KIF18A: variants seen among roughly 807,000 people sequenced by gnomAD.
KIF18A encodes kinesin-like protein KIF18A.
Under a neutral mutation model 103.3 loss-of-function variants are expected in KIF18A, and 67 were observed. The ratio of observed to expected loss-of-function variants is 0.65; its 90% CI spans 0.53 to 0.79. The LOEUF (loss-of-function observed/expected upper bound fraction) is 0.79. Ranked by LOEUF, KIF18A falls within the 30% of genes least tolerant of loss-of-function variation. The pLI is 0.00. For synonymous variants in KIF18A, 367 were observed against 355.5 expected, an observed-to-expected ratio of 1.03 and a Z score of -0.36; for missense variants, 1,032 against 1,062.5, an observed-to-expected ratio of 0.97 and a Z score of 0.40.
At chr11:28,034,477 T>C (rs1439965153) in intron 15 of KIF18A, among the ~76,000 whole-genome samples, 1 of 151,744 alleles carries the variant, frequency 6.6e-6, no homozygotes, top group Non-Finnish European at 1.5e-5. Flanking sequence ...AATCCTAATG[T>C]GTTTAACAGG....
At chr11:28,057,077 C>T (rs1469101145) in intron 13 of KIF18A, among the ~76,000 whole-genome samples, 5 of 151,696 alleles carry the variant, frequency 3.3e-5, no homozygotes, top group South Asian at 2.1e-4. Flanking sequence ...TTATTAGATA[C>T]GAAGTGCCAA....
intron 6 of KIF18A, among the ~76,000 whole-genome samples, chr11:28,085,394 G>C (rs1477892334): frequency 6.6e-6 from 1 of 152,208 alleles, no homozygotes; most frequent in Non-Finnish European, 1.5e-5. Flanking sequence ...TGCTTCAATG[G>C]TCATGCTCCT....
intron 1 of KIF18A, among the ~76,000 whole-genome samples, chr11:28,099,201 T>C (rs1851415644): frequency 6.6e-6 from 1 of 152,122 alleles, no homozygotes; most frequent in Non-Finnish European, 1.5e-5. Context: ...TGAATGAATC[T>C]AGGGGGCATT....
chr11:28,094,340 A>G (rs1851339654), intron 3 of KIF18A, among the ~76,000 whole-genome samples: 1 of 152,170 alleles, frequency 6.6e-6, no homozygotes, highest in Non-Finnish European at 1.5e-5. Flanking sequence ...CCTAGCTCAG[A>G]AAGAAAGAAA....
chr11:28,091,418 A>G lies in KIF18A; in HGVS notation c.579T>C (p.Thr193=). The change falls in exon 4 of 17, where the codon ACT becomes ACC. Residue 193 remains threonine (T), a synonymous_variant. Coordinates refer to ENST00000263181, the MANE Select transcript of KIF18A (RefSeq NM_031217.4). ...ATGTTTATATACATACCTGGTGTAA[A>G]GTAAGTCCATGAACGACCACCCCTT... ...TQKGVVVHGL[T]LHQPKSSEEI... 1 of 1,580,196 alleles carries G rather than the reference A, an allele frequency of 6.3e-7. No homozygotes were observed. Among genetic ancestry groups the G allele is most frequent in the Non-Finnish European group, 8.7e-7 (1 of 1,150,812 alleles).
At position 28,090,723 on chromosome 11, in the gene KIF18A, T is replaced by C; in HGVS notation, c.593A>G (p.Lys198Arg). 1.3e-6 allele frequency: 2 copies of C among 1,577,616 alleles called. No individual in the cohort carries two copies. The highest frequency in any genetic ancestry group is 1.7e-6 in the Non-Finnish European group (2 of 1,148,436). Reference sequence around the variant, plus strand: ...TAAATGTAAAATTTCTTCTGAGGATTTGGGCTGGAGAAGTTTAAGTAGAAG... The same window carrying C: ...TAAATGTAAAATTTCTTCTGAGGATCTGGGCTGGAGAAGTTTAAGTAGAAG... The part of the protein sequence containing the change: ...VVHGLTLHQP[K>R]SSEEILHLLD... The change falls in exon 5 of 17, where the codon AAA (lysine) becomes AGA (arginine). Residue 198 changes from lysine to arginine, a missense_variant. Coordinates refer to ENST00000263181, the MANE Select transcript of KIF18A (RefSeq NM_031217.4).
intron 15 of KIF18A, among the ~76,000 whole-genome samples, chr11:28,033,618 T>A (rs1850439828): frequency 6.6e-6 from 1 of 151,700 alleles, no homozygotes; most frequent in Admixed American, 6.6e-5. Flanking sequence ...TACAGAAAGA[T>A]AAGCTTGGCA....
At chr11:28,100,371 T>A (rs1851429474) in intron 1 of KIF18A, among the ~76,000 whole-genome samples, 1 of 152,036 alleles carries the variant, frequency 6.6e-6, no homozygotes, top group South Asian at 2.1e-4. Context: ...GAAACAGCGA[T>A]CTATTGTGTT....
chr11:28,085,933 A>C (rs955966229), intron 6 of KIF18A, among the ~76,000 whole-genome samples: 1 of 152,206 alleles, frequency 6.6e-6, no homozygotes, highest in Non-Finnish European at 1.5e-5. Context: ...AGAATCTTAC[A>C]GGATTATTCA....
Position 28,088,740 on chromosome 11 carries a change from T to C in KIF18A, c.700-19A>G, listed in dbSNP as rs1009474537. The C allele has an allele frequency of 1.9e-6, 3 of 1,583,788 alleles. No individual in the cohort carries two copies. The highest frequency in any genetic ancestry group is 8.6e-7 in the Non-Finnish European group (1 of 1,157,074). ...AGTAAATCTTTTTGAAATTACAAAATAGAAAAAAATGAGGATAAGATTTAA... is the reference window on the plus strand; with the variant it reads ...AGTAAATCTTTTTGAAATTACAAAACAGAAAAAAATGAGGATAAGATTTAA... On this transcript the variant is annotated intron_variant, in intron 5 of 16. Coordinates refer to ENST00000263181, the MANE Select transcript of KIF18A (RefSeq NM_031217.4).
intron 6 of KIF18A, among the ~76,000 whole-genome samples, chr11:28,086,423 CAAAT>C (rs1226075362): frequency 6.6e-6 from 1 of 151,964 alleles, no homozygotes; most frequent in South Asian, 2.1e-4. Flanking sequence ...GTAAAAGTAA[CAAAT>C]AAATTTTGTT....
At chr11:28,059,893 C>A (rs1225944819) in intron 12 of KIF18A, among the ~76,000 whole-genome samples, 2 of 152,192 alleles carry the variant, frequency 1.3e-5, no homozygotes, top group South Asian at 2.1e-4. Flanking sequence ...AAAACACACA[C>A]ACACACACAA....
At position 28,088,727 on chromosome 11, in the gene KIF18A, T is replaced by C. The variant is rs1401020104; in HGVS notation, c.700-6A>G. ...TCTTGTTGTCGCAAGTAAATCTTTT[T>C]GAAATTACAAAATAGAAAAAAATGA... On this transcript the variant is annotated splice_polypyrimidine_tract_variant and splice_region_variant and intron_variant, in intron 5 of 16. Transcript: ENST00000263181. 6.2e-7 allele frequency: 1 copy of C among 1,608,712 alleles called. No individual in the cohort carries two copies. Among genetic ancestry groups the C allele is most frequent in the Admixed American group, 1.7e-5 (1 of 59,698 alleles).
intron 1 of KIF18A, among the ~76,000 whole-genome samples, chr11:28,102,995 T>C (rs1192749307): frequency 1.3e-5 from 2 of 152,158 alleles, no homozygotes; most frequent in Non-Finnish European, 2.9e-5. Context: ...CGCAAGAATG[T>C]GTGGATTCAC....
chr11:28,027,554 T>C (rs1850337149), intron 15 of KIF18A, among the ~76,000 whole-genome samples: 1 of 151,932 alleles, frequency 6.6e-6, no homozygotes, highest in African/African-American at 2.4e-5. Context: ...TTTTCTAGAC[T>C]TTTAAAAATT....
At chr11:28,084,129 A>G (rs1025581295) in intron 7 of KIF18A, 1 of 152,160 alleles carries the variant, frequency 6.6e-6, no homozygotes, top group Non-Finnish European at 1.5e-5. Context: ...GTACATCAAC[A>G]TCATGAATGT....
intron 15 of KIF18A, among the ~76,000 whole-genome samples, chr11:28,026,008 C>G (rs1850313832): frequency 6.6e-6 from 1 of 151,530 alleles, no homozygotes; most frequent in Non-Finnish European, 1.5e-5. Flanking sequence ...AACAAAAAAC[C>G]AATCAACCAA....
At chr11:28,072,954 T>TA (rs980114936) in intron 10 of KIF18A, among the ~76,000 whole-genome samples, 1 of 152,066 alleles carries the variant, frequency 6.6e-6, no homozygotes, top group Non-Finnish European at 1.5e-5. Context: ...TTCAAGTGTT[T>TA]AAAAAATGGA....
At position 28,038,540 on chromosome 11, in the gene KIF18A, TA is replaced by T. The variant is rs546405342; in HGVS notation, c.1949-1877del. ...TTTACTTTACTGTATAATACTAACT[TA>T]AAGAACATTGAAAGCAGAATAAGAT... On this transcript the variant is annotated intron_variant, in intron 13 of 16. Coordinates refer to ENST00000263181, the MANE Select transcript of KIF18A (RefSeq NM_031217.4). Among the ~76,000 whole-genome samples the T allele has an allele frequency of 1.4e-4, 22 of 151,746 alleles. No homozygotes were observed. In the East Asian group the frequency reaches 4.1e-3, roughly 28 times the overall value.
Sources: allele counts gnomAD v4.1 joint callset (sites outside exome capture counted in the v4.1 genomes callset), GRCh38; gene constraint gnomAD v4.1.1; transcripts MANE v1.5; gene names NCBI Gene and HGNC (gene_info 2026-07-23, HGNC 2026-07-21).